PEBP4: variants seen among roughly 807,000 people sequenced by gnomAD.
PEBP4 encodes the protein phosphatidylethanolamine-binding protein 4.
A neutral mutation model predicts 23.9 loss-of-function variants in PEBP4; 22 were observed. The observed-to-expected ratio is 0.92, with a 90% CI of 0.66 to 1.31. PEBP4 has a LOEUF of 1.31. Ranked by LOEUF, PEBP4 falls within the 40% of genes most tolerant of loss-of-function variation. PEBP4 has a pLI of 0.00. For missense variants in PEBP4, 324 were observed against 281.7 expected, an observed-to-expected ratio of 1.15 and a Z score of -1.07; for synonymous variants, 112 against 99.3, an observed-to-expected ratio of 1.13 and a Z score of -0.76.
At chr8:22,838,046 A>C (rs979307504) in intron 3 of PEBP4, among the ~76,000 whole-genome samples, 3 of 151,314 alleles carry the variant, frequency 2.0e-5, no homozygotes, top group Non-Finnish European at 4.4e-5. Flanking sequence ...CTACAGGCAC[A>C]CGCCACCACA....
chr8:22,770,373 A>G (rs1031892907), intron 4 of PEBP4, among the ~76,000 whole-genome samples: 5 of 152,094 alleles, frequency 3.3e-5, no homozygotes, highest in African/African-American at 9.7e-5. Flanking sequence ...TCCTCCCTCA[A>G]TGCCAGGCCA....
intron 4 of PEBP4, among the ~76,000 whole-genome samples, chr8:22,786,917 C>A (rs991112478): frequency 1.3e-5 from 2 of 151,992 alleles, no homozygotes; most frequent in Admixed American, 1.3e-4. Flanking sequence ...ACCTCCAAGG[C>A]CCAAGTGATC....
chr8:22,788,003 C>T (rs1363355734), intron 4 of PEBP4, among the ~76,000 whole-genome samples: 1 of 152,060 alleles, frequency 6.6e-6, no homozygotes, highest in South Asian at 2.1e-4. Flanking sequence ...AACGGGCCCA[C>T]AGGCTTGGAG....
At chr8:22,737,059 C>T (rs1450207154) in intron 4 of PEBP4, among the ~76,000 whole-genome samples, 1 of 151,992 alleles carries the variant, frequency 6.6e-6, no homozygotes, top group Non-Finnish European at 1.5e-5. Context: ...TTTGGGAGGC[C>T]GAGGCGGGCG....
chr8:22,795,143 G>GTATATATATATATATATATATATATA (rs1206085493), intron 4 of PEBP4, among the ~76,000 whole-genome samples: 5 of 49,910 alleles, frequency 1.0e-4, no homozygotes, highest in East Asian at 1.8e-3. Context: ...ATGTGTGTGT[G>GTATATATATATATATATATATATATA]TATATATATA....
intron 4 of PEBP4, among the ~76,000 whole-genome samples, chr8:22,787,121 G>C (rs1260632093): frequency 6.6e-6 from 1 of 152,256 alleles, no homozygotes; most frequent in South Asian, 2.1e-4. Context: ...ACTGTGCCCA[G>C]CTAAGGGCTG....
chr8:22,724,628 G>C (rs1440269374), intron 6 of PEBP4, among the ~76,000 whole-genome samples: 1 of 152,196 alleles, frequency 6.6e-6, no homozygotes, highest in Non-Finnish European at 1.5e-5. Flanking sequence ...CTCTACACTG[G>C]TCTGTGGGAC....
At chr8:22,877,397 T>C (rs568980968) in intron 3 of PEBP4, among the ~76,000 whole-genome samples, 9 of 152,310 alleles carry the variant, frequency 5.9e-5, no homozygotes, top group African/African-American at 2.2e-4. Flanking sequence ...CTTGGGACTT[T>C]TGTGCCTTCA....
chr8:22,865,490 G>A lies in PEBP4; in HGVS notation c.259-47755C>T, dbSNP rs772325426. On this transcript the variant is annotated intron_variant, in intron 3 of 6. Transcript: ENST00000256404. The surrounding 1 kb of genome is among the most constrained non-coding windows in gnomAD (Gnocchi z 6.9). ...AGGTGGAGCGCGCCACCGCCCCCCC[G>A]GCCGCGCAGCGAGAAGGAGCCTCGG... Among the ~76,000 whole-genome samples, 2 of 151,680 alleles carry A rather than the reference G, an allele frequency of 1.3e-5. No homozygotes were observed. The highest frequency in any genetic ancestry group is 2.0e-4 in the East Asian group (1 of 5,090).
chr8:22,832,488 T>C (rs1489776083), intron 3 of PEBP4, among the ~76,000 whole-genome samples: 1 of 152,118 alleles, frequency 6.6e-6, no homozygotes, highest in East Asian at 1.9e-4. Flanking sequence ...TAAATGTGTG[T>C]TTTTTAAGCC....
intron 4 of PEBP4, among the ~76,000 whole-genome samples, chr8:22,768,305 TG>T (rs1217297224): frequency 3.9e-5 from 6 of 152,146 alleles, no homozygotes; most frequent in Non-Finnish European, 8.8e-5. Flanking sequence ...TGCCAGTGCT[TG>T]CAGAGACAGG....
intron 4 of PEBP4, among the ~76,000 whole-genome samples, chr8:22,815,389 C>T (rs551705332): frequency 3.3e-5 from 5 of 152,284 alleles, no homozygotes; most frequent in East Asian, 1.9e-4. Context: ...TCTGCCAATT[C>T]GAATGCACTC....
At chr8:22,897,027 ATG>A (rs140900653) in intron 3 of PEBP4, among the ~76,000 whole-genome samples, 52 of 148,888 alleles carry the variant, frequency 3.5e-4, no homozygotes, top group East Asian at 5.9e-4. Context: ...ATCTGTGTGT[ATG>A]TGTGTGTGTG....
chr8:22,745,140 A>C (rs1337591807), intron 4 of PEBP4, among the ~76,000 whole-genome samples: 1 of 152,126 alleles, frequency 6.6e-6, no homozygotes, highest in Non-Finnish European at 1.5e-5. Flanking sequence ...GACTTGCTCA[A>C]GTTGGATGGA....
chr8:22,821,181 T>C (rs141006572), intron 3 of PEBP4, among the ~76,000 whole-genome samples: 4,643 of 152,216 alleles, frequency 0.031, 77 homozygotes, highest in South Asian at 0.048. Context: ...AGTGAGACCC[T>C]GTCTCAACAA....
intron 3 of PEBP4, among the ~76,000 whole-genome samples, chr8:22,829,882 C>G (rs976571161): frequency 5.9e-5 from 9 of 152,146 alleles, no homozygotes; most frequent in South Asian, 2.1e-4. Context: ...CTCCTTAATC[C>G]AATCTGCCCC....
At chr8:22,722,839 C>T (rs1009405549) in intron 6 of PEBP4, among the ~76,000 whole-genome samples, 2 of 151,138 alleles carry the variant, frequency 1.3e-5, no homozygotes, top group African/African-American at 4.9e-5. Flanking sequence ...GTGGCGCGAT[C>T]TCAGCTCACT....
chr8:22,815,959 C>T (rs949525636), intron 4 of PEBP4, among the ~76,000 whole-genome samples: 1 of 152,210 alleles, frequency 6.6e-6, no homozygotes, highest in African/African-American at 2.4e-5. Context: ...TCAGGACCGC[C>T]GAGCAGAGCT....
intron 3 of PEBP4, among the ~76,000 whole-genome samples, chr8:22,890,125 T>C (rs961822322): frequency 6.6e-6 from 1 of 152,162 alleles, no homozygotes; most frequent in East Asian, 1.9e-4. Flanking sequence ...AGATAGGTGA[T>C]GGAGAAGAGG....
Sources: gnomAD v4.1 joint callset for allele counts (sites outside exome capture counted in the v4.1 genomes callset) on GRCh38, gnomAD v4.1.1 for gene constraint, Gnocchi (gnomAD v3.1) non-coding constraint, MANE v1.5 for transcripts, NCBI Gene and HGNC (gene_info 2026-07-23, HGNC 2026-07-21) for gene names.